ST3GAL3: variants seen among roughly 807,000 people sequenced by gnomAD.
ST3GAL3 encodes the protein CMP-N-acetylneuraminate-beta-1,4-galactoside alpha-2,3-sialyltransferase.
A neutral mutation model predicts 50.1 loss-of-function variants in ST3GAL3; 21 were observed. The ratio of observed to expected loss-of-function variants is 0.42; its 90% CI spans 0.30 to 0.60. The LOEUF is 0.60. Among genes scored for constraint, ST3GAL3 ranks in the 20% least tolerant of loss-of-function variants. The probability of loss-of-function intolerance (pLI) is 0.19; values close to 1 mark genes in which losing one functional copy is unlikely to be tolerated. For synonymous variants in ST3GAL3, 183 were observed against 190.0 expected, an observed-to-expected ratio of 0.96 and a Z score of 0.30; for missense variants, 353 against 489.4, an observed-to-expected ratio of 0.72 and a Z score of 2.63.
intron 2 of ST3GAL3, among the ~76,000 whole-genome samples, chr1:43,742,529 A>C (rs79543673): frequency 6.6e-6 from 1 of 152,222 alleles, no homozygotes; most frequent in Non-Finnish European, 1.5e-5. Context: ...CATAGTTTTT[A>C]TGTGTAATAT....
intron 5 of ST3GAL3, chr1:43,851,600 A>G (rs752376083): frequency 7.8e-5 from 106 of 1,354,548 alleles, no homozygotes; most frequent in Non-Finnish European, 9.5e-6. Context: ...GCTCCAATCC[A>G]GCCCTCTGCC....
chr1:43,731,035 T>A (rs1675509025), intron 1 of ST3GAL3, among the ~76,000 whole-genome samples: 1 of 152,006 alleles, frequency 6.6e-6, no homozygotes, highest in African/African-American at 2.4e-5. Flanking sequence ...TACTTAGTCT[T>A]ATTTTTTTTT....
At chr1:43,820,852 T>TGGGCC (rs2062005257) in intron 4 of ST3GAL3, among the ~76,000 whole-genome samples, 1 of 152,196 alleles carries the variant, frequency 6.6e-6, no homozygotes, top group African/African-American at 2.4e-5. Flanking sequence ...GTTCCACATC[T>TGGGCC]TACTAGCTCT....
At chr1:43,759,065 G>GCGCACACACA (rs60386464) in intron 2 of ST3GAL3, among the ~76,000 whole-genome samples, 1,364 of 75,374 alleles carry the variant, frequency 0.018, 29 homozygotes, top group African/African-American at 0.047. Flanking sequence ...AAAAGCGCGC[G>GCGCACACACA]CACACACACA....
intron 5 of ST3GAL3, among the ~76,000 whole-genome samples, chr1:43,863,185 A>AT (rs1487159247): frequency 6.6e-6 from 1 of 152,230 alleles, no homozygotes; most frequent in Non-Finnish European, 1.5e-5. Context: ...TTTCAGAGAC[A>AT]TTCAAGTCAA....
chr1:43,781,368 A>G (rs559680612), intron 2 of ST3GAL3, among the ~76,000 whole-genome samples: 37 of 152,152 alleles, frequency 2.4e-4, no homozygotes, highest in Admixed American at 2.2e-3. Context: ...GCATTTTAGG[A>G]GACTTTGGGA....
chr1:43,825,224 C>G (rs2154187240), intron 4 of ST3GAL3, among the ~76,000 whole-genome samples: 1 of 152,268 alleles, frequency 6.6e-6, no homozygotes, highest in African/African-American at 2.4e-5. Context: ...AATATCATAA[C>G]AATTATGTTA....
Position 43,801,632 on chromosome 1 carries a change from A to ATT in ST3GAL3, c.166+9497_166+9498dup, listed in dbSNP as rs11400892. The ATT allele has an allele frequency of 1.9e-4, 41 of 216,022 alleles. 2 individuals carry two copies. The highest frequency in any genetic ancestry group is 4.7e-4 in the African/African-American group (20 of 42,798). The allele number at this position is 216,022 out of a possible 1,614,324, so 13.4% of individuals were successfully genotyped here. A position where few individuals can be genotyped will look rare whatever the true frequency, so the allele number is the denominator to read the frequency against. On this transcript the variant is annotated intron_variant, in intron 3 of 11. Coordinates refer to ENST00000347631, the MANE Select transcript of ST3GAL3 (RefSeq NM_006279.5). Reference sequence around the variant, plus strand: ...ATAGGGCATTGTGAAAACATTTGTGATTTTTTTTTTTTTTTAATATTACAG... The same window carrying ATT: ...ATAGGGCATTGTGAAAACATTTGTGATTTTTTTTTTTTTTTTTAATATTACAG...
At chr1:43,897,760 C>T (rs185116337) in intron 6 of ST3GAL3, among the ~76,000 whole-genome samples, 20 of 152,302 alleles carry the variant, frequency 1.3e-4, no homozygotes, top group Admixed American at 1.3e-4. Flanking sequence ...TAATGAGGCA[C>T]GTGGTGAGCT....
chr1:43,799,331 T>C (rs569005774), intron 3 of ST3GAL3, among the ~76,000 whole-genome samples: 3 of 152,310 alleles, frequency 2.0e-5, no homozygotes, highest in Admixed American at 1.3e-4. Context: ...CTTATTTTGT[T>C]TAATAATTGC....
At chr1:43,815,921 GGATGGATGGAT>G (rs2061180735) in intron 4 of ST3GAL3, among the ~76,000 whole-genome samples, 1 of 151,906 alleles carries the variant, frequency 6.6e-6, no homozygotes, top group Non-Finnish European at 1.5e-5. Context: ...ATGGATGGAT[GGATGGATGGAT>G]GATGGTAGGA....
Position 43,917,992 on chromosome 1 carries a change from G to A in ST3GAL3, c.745-2412G>A, listed in dbSNP as rs1269671305. ...CTTATTTTGCGTATATTTTTGATGT[G>A]CCAAAGCACTTAAAAATGTTTATGA... On this transcript the variant is annotated intron_variant, in intron 9 of 11. Transcript: ENST00000347631. Among the ~76,000 whole-genome samples the A allele has an allele frequency of 4.7e-5, 7 of 149,918 alleles. No homozygotes were observed. In the Admixed American group the frequency reaches 4.7e-4, roughly 10 times the overall value.
chr1:43,854,579 T>C (rs1342877492), intron 5 of ST3GAL3, among the ~76,000 whole-genome samples: 2 of 152,222 alleles, frequency 1.3e-5, no homozygotes, highest in Non-Finnish European at 2.9e-5. Context: ...ACTCCACTGC[T>C]TTAGCTAACA....
At chr1:43,710,247 A>G (rs186877515) in intron 1 of ST3GAL3, among the ~76,000 whole-genome samples, 1 of 152,104 alleles carries the variant, frequency 6.6e-6, no homozygotes, top group Non-Finnish European at 1.5e-5. Flanking sequence ...ACACCCGGCT[A>G]ATTTTTGTAT....
At chr1:43,777,456 A>AACTCAG (rs1697711781) in intron 2 of ST3GAL3, among the ~76,000 whole-genome samples, 1 of 152,192 alleles carries the variant, frequency 6.6e-6, no homozygotes, top group Admixed American at 6.5e-5. Context: ...CACAATAAAG[A>AACTCAG]ACTCAGAAAT....
At chr1:43,797,932 G>C (rs1429806219) in intron 3 of ST3GAL3, among the ~76,000 whole-genome samples, 1 of 152,212 alleles carries the variant, frequency 6.6e-6, no homozygotes, top group Non-Finnish European at 1.5e-5. Flanking sequence ...ATGTTTTTAA[G>C]TACTAGCAAT....
chr1:43,761,695 A>G (rs1007849707), intron 2 of ST3GAL3, among the ~76,000 whole-genome samples: 1 of 151,944 alleles, frequency 6.6e-6, no homozygotes, highest in African/African-American at 2.4e-5. Flanking sequence ...TCATGCCTGT[A>G]ATCCCAGCAC....
intron 3 of ST3GAL3, among the ~76,000 whole-genome samples, chr1:43,793,260 G>A (rs6688144): frequency 0.37 from 55,603 of 151,784 alleles, 10,949 homozygotes; most frequent in East Asian, 0.59. Context: ...CATAGTGGGT[G>A]TATATATTTA....
intron 5 of ST3GAL3, 115 bp from the exon 6 acceptor site, chr1:43,894,268 C>T (rs892015208): frequency 7.0e-5 from 71 of 1,013,078 alleles, no homozygotes; most frequent in Non-Finnish European, 2.3e-5. Context: ...GGGGGTATGC[C>T]GGAATGCAGA....
Sources: gnomAD v4.1 joint callset for allele counts (sites outside exome capture counted in the v4.1 genomes callset) on GRCh38, gnomAD v4.1.1 for gene constraint, MANE v1.5 for transcripts, NCBI Gene and HGNC (gene_info 2026-07-23, HGNC 2026-07-21) for gene names.